Variants in IQGAP2 observed in about 807,000 individuals in gnomAD.
IQGAP2 encodes the protein IQ motif containing GTPase activating protein 2, also known as ras GTPase-activating-like protein IQGAP2.
In IQGAP2, 173 loss-of-function variants were observed where a neutral mutation model predicts 201.3. The ratio of observed to expected loss-of-function variants is 0.86; its 90% confidence interval spans 0.76 to 0.98. The LOEUF is 0.98. Among genes scored for constraint, IQGAP2 ranks in the 50% least tolerant of loss-of-function variants. The pLI, the probability that IQGAP2 is intolerant of heterozygous loss-of-function variation, is 0.00. For missense variants in IQGAP2, 1,687 were observed against 1,864.8 expected, an observed-to-expected ratio of 0.90 and a Z score of 1.76; for synonymous variants, 675 against 673.9, an observed-to-expected ratio of 1.00 and a Z score of -0.03.
chr5:76,617,498 T>G, intron 13 of IQGAP2: 1 of 990,144 alleles, frequency 1.0e-6, no homozygotes, highest in Non-Finnish European at 1.5e-6. Flanking sequence ...AGCTCGGAAA[T>G]GGAGCTCCTT....
At chr5:76,493,265 A>G (rs772343847) in intron 2 of IQGAP2, among the ~76,000 whole-genome samples, 12 of 151,874 alleles carry the variant, frequency 7.9e-5, no homozygotes, top group Non-Finnish European at 1.3e-4. Flanking sequence ...GAAGATCCAC[A>G]GGGCCCCGCC....
At chr5:76,634,498 G>A (rs927379186) in intron 15 of IQGAP2, among the ~76,000 whole-genome samples, 12 of 152,018 alleles carry the variant, frequency 7.9e-5, no homozygotes, top group Non-Finnish European at 1.6e-4. Flanking sequence ...GACCTCAAGT[G>A]ATTCACCTGC....
chr5:76,622,064 CAACGAA>C (rs1327895032), intron 13 of IQGAP2, among the ~76,000 whole-genome samples: 1 of 152,142 alleles, frequency 6.6e-6, no homozygotes, highest in African/African-American at 2.4e-5. Flanking sequence ...AACAAAACCA[CAACGAA>C]ATAAGGCAGG....
At chr5:76,659,482 G>T (rs138885057) in intron 21 of IQGAP2, among the ~76,000 whole-genome samples, 1 of 152,160 alleles carries the variant, frequency 6.6e-6, no homozygotes, top group African/African-American at 2.4e-5. Flanking sequence ...ACAACTATTT[G>T]TAAAGTTCAA....
rs185086340 is a variant in IQGAP2 at position 76,552,131 on chromosome 5, C to A, written c.147-10265C>A. ...TTTTTCTTGAAGGATAATACATGCT[C>A]ACACCCAGAGCCAGATAGATCTATT... On this transcript the variant is annotated intron_variant, in intron 2 of 35. Coordinates refer to ENST00000274364, the MANE Select transcript of IQGAP2 (RefSeq NM_006633.5). Among the ~76,000 whole-genome samples the A allele has an allele frequency of 2.3e-3, 349 of 152,298 alleles. 1 individual carries two copies. Among genetic ancestry groups the A allele is most frequent in the African/African-American group, 8.2e-3 (339 of 41,568 alleles).
Position 76,637,030 on chromosome 5 carries a change from T to G in IQGAP2, c.1781-4T>G, listed in dbSNP as rs1456662472. ...TGTAGAATTTAACAAACTTTTTTCTTTAGTGTCTAGTGACGGTTCATGGCT... is the reference window on the plus strand; with the variant it reads ...TGTAGAATTTAACAAACTTTTTTCTGTAGTGTCTAGTGACGGTTCATGGCT... On this transcript the variant is annotated splice_polypyrimidine_tract_variant and splice_region_variant and intron_variant, in intron 15 of 35. Transcript: ENST00000274364. The G allele has an allele frequency of 6.3e-7, 1 of 1,591,502 alleles. No homozygotes were observed. Among genetic ancestry groups the G allele is most frequent in the Non-Finnish European group, 8.5e-7 (1 of 1,170,930 alleles).
At chr5:76,517,766 A>G (rs1247021987) in intron 2 of IQGAP2, among the ~76,000 whole-genome samples, 1 of 152,106 alleles carries the variant, frequency 6.6e-6, no homozygotes, top group African/African-American at 2.4e-5. Context: ...TTGTTGAATT[A>G]CATCCTTACC....
chr5:76,703,005 G>T (rs1424284875), intron 35 of IQGAP2, among the ~76,000 whole-genome samples: 5 of 141,902 alleles, frequency 3.5e-5, no homozygotes, highest in Admixed American at 2.9e-4. Context: ...TTTCTTTTTT[G>T]TGGGGGGAGG....
chr5:76,628,273 G>A (rs1750419059), intron 14 of IQGAP2, among the ~76,000 whole-genome samples: 1 of 152,198 alleles, frequency 6.6e-6, no homozygotes, highest in Non-Finnish European at 1.5e-5. Flanking sequence ...AATTCCAAGA[G>A]GCCCAAAACA....
intron 2 of IQGAP2, among the ~76,000 whole-genome samples, chr5:76,550,939 C>T (rs1051458197): frequency 1.4e-5 from 2 of 146,436 alleles, no homozygotes; most frequent in East Asian, 2.1e-4. Context: ...CAGGCAGAGG[C>T]GCCCCTCACC....
chr5:76,446,716 GC>G lies in IQGAP2; in HGVS notation c.47-14853del, dbSNP rs1753413395. Among the ~76,000 whole-genome samples, 10 of 152,266 alleles carry G rather than the reference GC, an allele frequency of 6.6e-5. No individual in the cohort carries two copies. In the South Asian group the frequency reaches 2.1e-3, roughly 32 times the overall value. The stretch of plus-strand genomic sequence containing the variant: ...CAAATGGCTTTTTGGTTTATGTACT[GC>G]AGTGTGTAAAAAATGGGTTGGCTCA... On this transcript the variant is annotated intron_variant, in intron 1 of 35. Transcript: ENST00000274364.
intron 2 of IQGAP2, among the ~76,000 whole-genome samples, chr5:76,544,106 G>A (rs1202970859): frequency 7.2e-5 from 11 of 152,092 alleles, no homozygotes; most frequent in African/African-American, 2.2e-4. Context: ...CCAAAGCCAC[G>A]CTTTCCTGGC....
intron 12 of IQGAP2, 181 bp downstream of exon 12, chr5:76,606,484 A>G: frequency 2.7e-6 from 1 of 373,892 alleles, no homozygotes; most frequent in Non-Finnish European, 4.8e-6. Flanking sequence ...CCAATATGTT[A>G]TAAACGTTAC....
In IQGAP2 at chr5:76,702,467, T is replaced by C; in HGVS notation, c.4506-15T>C. On this transcript the variant is annotated splice_polypyrimidine_tract_variant and intron_variant, in intron 34 of 35. Transcript: ENST00000274364. ...ATTTGTAATTTCTCATGTATGAATGTTCCTTTCTTCACAGGTTTAAGAATG... is the reference window on the plus strand; with the variant it reads ...ATTTGTAATTTCTCATGTATGAATGCTCCTTTCTTCACAGGTTTAAGAATG... The C allele has an allele frequency of 8.3e-7, 1 of 1,203,590 alleles. No homozygotes were observed. The allele number at this position is 1,203,590 out of a possible 1,614,324, so 74.6% of individuals were successfully genotyped here.
chr5:76,515,062 T>C (rs1443599815), intron 2 of IQGAP2, among the ~76,000 whole-genome samples: 1 of 152,230 alleles, frequency 6.6e-6, no homozygotes, highest in Admixed American at 6.5e-5. Context: ...TTGGGATTTG[T>C]AGCCCTACTT....
chr5:76,569,876 A>G (rs2150269144), intron 3 of IQGAP2, among the ~76,000 whole-genome samples: 1 of 152,342 alleles, frequency 6.6e-6, no homozygotes, highest in South Asian at 2.1e-4. Context: ...TGCTATACTT[A>G]CAGGCTGTGC....
intron 2 of IQGAP2, among the ~76,000 whole-genome samples, chr5:76,524,696 TAAAG>T (rs1212299199): frequency 6.6e-6 from 1 of 152,240 alleles, no homozygotes; most frequent in East Asian, 1.9e-4. Flanking sequence ...ATTTTTATGT[TAAAG>T]AAATTCTTTA....
At chr5:76,511,744 G>A (rs1487135968) in intron 2 of IQGAP2, among the ~76,000 whole-genome samples, 4 of 151,278 alleles carry the variant, frequency 2.6e-5, no homozygotes, top group South Asian at 2.1e-4. Flanking sequence ...GCAGTGGCGC[G>A]ATCTCGGCTC....
At chr5:76,576,898 A>C (rs1005649958) in intron 5 of IQGAP2, among the ~76,000 whole-genome samples, 1 of 152,246 alleles carries the variant, frequency 6.6e-6, no homozygotes, top group African/African-American at 2.4e-5. Flanking sequence ...AGATGTGGCG[A>C]GAGTATCATT....
Sources: gnomAD v4.1 joint callset for allele counts (sites outside exome capture counted in the v4.1 genomes callset) on GRCh38, gnomAD v4.1.1 for gene constraint, MANE v1.5 for transcripts, NCBI Gene and HGNC (gene_info 2026-07-23, HGNC 2026-07-21) for gene names.